Variants in KCNAB1 observed in about 807,000 individuals in gnomAD.
KCNAB1 encodes potassium voltage-gated channel subfamily A regulatory beta subunit 1, also known as voltage-gated potassium channel subunit beta-1.
In KCNAB1, 35 loss-of-function variants were observed where a neutral mutation model predicts 64.6. That is an observed-to-expected ratio of 0.54 (90% CI 0.41 to 0.72). KCNAB1 has a LOEUF of 0.72. Ranked by LOEUF, KCNAB1 falls within the 30% of genes least tolerant of loss-of-function variation. KCNAB1 has a pLI of 0.00. For missense variants in KCNAB1, 401 were observed against 512.9 expected (o/e 0.78, Z 2.11); for synonymous variants, 177 against 183.8 (o/e 0.96, Z 0.30).
At chr3:156,178,702 C>T (rs1712561897) in intron 1 of KCNAB1, among the ~76,000 whole-genome samples, 1 of 152,102 alleles carries the variant, frequency 6.6e-6, no homozygotes, top group African/African-American at 2.4e-5. Flanking sequence ...AATTGTTTCT[C>T]AAGATTTATT....
At chr3:156,410,914 C>T (rs6801464) in intron 1 of KCNAB1, among the ~76,000 whole-genome samples, 1 of 151,954 alleles carries the variant, frequency 6.6e-6, no homozygotes, top group African/African-American at 2.4e-5. Context: ...TTTATATACA[C>T]TTTTTTGTGT....
At chr3:156,256,667 G>T (rs1718116948) in intron 1 of KCNAB1, among the ~76,000 whole-genome samples, 1 of 151,240 alleles carries the variant, frequency 6.6e-6, no homozygotes, top group African/African-American at 2.4e-5. Context: ...GCCCACTTGA[G>T]AGAAAATGTA....
rs527320384 is a variant in KCNAB1, at chr3:156,448,647, C to A, written c.320-4252C>A. On this transcript the variant is annotated intron_variant, in intron 2 of 13. Coordinates refer to ENST00000490337, the MANE Select transcript of KCNAB1 (RefSeq NM_172160.3). The stretch of plus-strand genomic sequence containing the variant: ...CAAAGGGGCATAGCTGGGTGGGTAC[C>A]CAGGGATAGGGAGAAACATTTCAAT... Among the ~76,000 whole-genome samples, 5 of 152,040 alleles carry A rather than the reference C, an allele frequency of 3.3e-5. No homozygotes were observed. In the East Asian group the frequency reaches 9.7e-4, roughly 29 times the overall value.
At chr3:156,378,138 A>G (rs1438741361) in intron 1 of KCNAB1, among the ~76,000 whole-genome samples, 1 of 152,202 alleles carries the variant, frequency 6.6e-6, no homozygotes, top group African/African-American at 2.4e-5. Flanking sequence ...GCTGTAACTA[A>G]GGAACAGACC....
chr3:156,427,076 G>C (rs1715870345), intron 2 of KCNAB1, among the ~76,000 whole-genome samples: 1 of 152,162 alleles, frequency 6.6e-6, no homozygotes, highest in Admixed American at 6.5e-5. Flanking sequence ...GAAAGAATGA[G>C]TAGGGCTGGT....
chr3:156,335,103 T>C (rs1723596672), intron 1 of KCNAB1, among the ~76,000 whole-genome samples: 1 of 152,244 alleles, frequency 6.6e-6, no homozygotes, highest in Non-Finnish European at 1.5e-5. Flanking sequence ...GTGCCCTCCA[T>C]GATCTCCCTC....
At chr3:156,189,143 A>G (rs904767373) in intron 1 of KCNAB1, among the ~76,000 whole-genome samples, 21 of 152,294 alleles carry the variant, frequency 1.4e-4, no homozygotes, top group African/African-American at 4.8e-4. Context: ...TATTTGACAC[A>G]TTCTCAGCTT....
chr3:156,184,759 A>G (rs1331464280), intron 1 of KCNAB1, among the ~76,000 whole-genome samples: 1 of 152,192 alleles, frequency 6.6e-6, no homozygotes, highest in Non-Finnish European at 1.5e-5. Context: ...AAGTAAGGTC[A>G]GTTCTAAGCA....
At chr3:156,338,906 G>A (rs1723913058) in intron 1 of KCNAB1, among the ~76,000 whole-genome samples, 1 of 152,208 alleles carries the variant, frequency 6.6e-6, no homozygotes, top group Admixed American at 6.5e-5. Flanking sequence ...GGTGCTCCCA[G>A]TCACCTGACC....
chr3:156,232,658 G>T (rs1278831166), intron 1 of KCNAB1, among the ~76,000 whole-genome samples: 3 of 152,206 alleles, frequency 2.0e-5, no homozygotes, highest in Non-Finnish European at 4.4e-5. Context: ...TGCAAAGGTG[G>T]TTTTTCACTC....
chr3:156,475,156 C>T (rs113325520), intron 8 of KCNAB1, among the ~76,000 whole-genome samples: 41 of 152,298 alleles, frequency 2.7e-4, no homozygotes, highest in African/African-American at 9.6e-4. Flanking sequence ...GCCATCATCG[C>T]GTCACAGTAA....
chr3:156,495,521 C>A lies in KCNAB1; in HGVS notation c.659-18843C>A, dbSNP rs544794230. Among the ~76,000 whole-genome samples the A allele has an allele frequency of 8.5e-5, 13 of 152,248 alleles. No homozygotes were observed. The South Asian group carries it at 2.7e-3, about 32-fold the overall frequency. On this transcript the variant is annotated intron_variant, in intron 8 of 13. Coordinates refer to ENST00000490337, the MANE Select transcript of KCNAB1 (RefSeq NM_172160.3). ...TAGACTTGATAAAGAAAATGTGATA[C>A]ATACACACAATGGAATACTAAGTTT... is the stretch of plus-strand genomic sequence containing the variant.
At chr3:156,338,822 T>C (rs1165318865) in intron 1 of KCNAB1, among the ~76,000 whole-genome samples, 1 of 152,174 alleles carries the variant, frequency 6.6e-6, no homozygotes, top group Non-Finnish European at 1.5e-5. Context: ...CAGTGAGTCA[T>C]TGTCCTGTGC....
At chr3:156,421,782 T>C in intron 2 of KCNAB1, 123 bp downstream of exon 2, 1 of 746,586 alleles carries the variant, frequency 1.3e-6, no homozygotes, top group South Asian at 1.9e-5. Flanking sequence ...TCCTGGCCAG[T>C]ATTGCCCCAC....
chr3:156,135,783 A>C (rs900091511), intron 1 of KCNAB1, among the ~76,000 whole-genome samples: 2 of 152,214 alleles, frequency 1.3e-5, no homozygotes, highest in Non-Finnish European at 2.9e-5. Context: ...ACCCCATAGA[A>C]ATAACGTGTC....
intron 1 of KCNAB1, among the ~76,000 whole-genome samples, chr3:156,151,263 A>G (rs1577643812): frequency 6.6e-6 from 1 of 151,928 alleles, no homozygotes; most frequent in African/African-American, 2.4e-5. Context: ...ATCACGTGTC[A>G]CCTCTCCACA....
intron 1 of KCNAB1, among the ~76,000 whole-genome samples, chr3:156,213,064 C>G (rs1024163269): frequency 3.3e-5 from 5 of 152,096 alleles, no homozygotes; most frequent in Non-Finnish European, 7.4e-5. Context: ...CCAGATGGAA[C>G]AGCTCGCTTA....
At chr3:156,134,594 A>G (rs925051874) in intron 1 of KCNAB1, among the ~76,000 whole-genome samples, 3 of 152,214 alleles carry the variant, frequency 2.0e-5, no homozygotes, top group Non-Finnish European at 4.4e-5. Flanking sequence ...TTCAGTTGTT[A>G]CTCTATTTGA....
chr3:156,194,974 C>T (rs1321755849), intron 1 of KCNAB1, among the ~76,000 whole-genome samples: 1 of 152,044 alleles, frequency 6.6e-6, no homozygotes, highest in Non-Finnish European at 1.5e-5. Context: ...TGTGATGTTC[C>T]CCTCCCTGTG....
Sources: allele counts gnomAD v4.1 joint callset (sites outside exome capture counted in the v4.1 genomes callset), GRCh38; gene constraint gnomAD v4.1.1; transcripts MANE v1.5; gene names NCBI Gene and HGNC (gene_info 2026-07-23, HGNC 2026-07-21).